Variants in RHOH observed in about 807,000 individuals in gnomAD.
The protein encoded by RHOH is ras homolog family member H.
In RHOH, 6 loss-of-function variants were observed where a neutral mutation model predicts 13.8. That is an observed-to-expected ratio of 0.44 (90% confidence interval 0.24 to 0.86). The LOEUF (loss-of-function observed/expected upper bound fraction) is 0.86, where lower values mean the gene tolerates loss of function less well. Ranked by LOEUF, RHOH falls within the 40% of genes least tolerant of loss-of-function variation. The pLI, the probability that RHOH is intolerant of heterozygous loss-of-function variation, is 0.24. For missense variants in RHOH, 147 were observed against 244.5 expected (o/e 0.60, Z 2.66); for synonymous variants, 117 against 103.0 (o/e 1.14, Z -0.82).
chr4:40,208,064 T>C (rs1306354120), intron 1 of RHOH, among the ~76,000 whole-genome samples: 2 of 152,000 alleles, frequency 1.3e-5, no homozygotes, highest in Non-Finnish European at 2.9e-5. Context: ...TTATATCTAC[T>C]TTTTTTTGGA....
Position 40,232,040 on chromosome 4 carries a change from T to C in RHOH, c.-330-10674T>C, listed in dbSNP as rs114246350. Among the ~76,000 whole-genome samples the C allele has an allele frequency of 8.8e-3, 1,333 of 152,336 alleles. 20 individuals carry two copies. The highest frequency in any genetic ancestry group is 0.03 in the African/African-American group (1,228 of 41,572). ...TAGTTGCAGGTAGCACCTTTTTCCC[T>C]TTGTTGGCACTTTATTTGTTCCTCC... is the stretch of plus-strand genomic sequence containing the variant. On this transcript the variant is annotated intron_variant, in intron 1 of 2. Transcript: ENST00000381799.
chr4:40,208,667 A>G (rs2109391061), intron 1 of RHOH, among the ~76,000 whole-genome samples: 1 of 152,304 alleles, frequency 6.6e-6, no homozygotes, highest in African/African-American at 2.4e-5. Flanking sequence ...GATCAGCTTT[A>G]AATTGTTCAT....
At chr4:40,210,939 C>G (rs1725195337) in intron 1 of RHOH, among the ~76,000 whole-genome samples, 1 of 152,302 alleles carries the variant, frequency 6.6e-6, no homozygotes, top group East Asian at 1.9e-4. Flanking sequence ...AAATACTGGG[C>G]TAGACCAAAC....
At chr4:40,196,602 C>T (rs1466039714), upstream of RHOH, among the ~76,000 whole-genome samples, 1 of 151,986 alleles carries the variant, frequency 6.6e-6, no homozygotes, top group Non-Finnish European at 1.5e-5. Flanking sequence ...GCAGACAATC[C>T]ACCTCTTGTT....
At chr4:40,238,815 G>A (rs1440962865) in intron 1 of RHOH, among the ~76,000 whole-genome samples, 1 of 152,184 alleles carries the variant, frequency 6.6e-6, no homozygotes, top group African/African-American at 2.4e-5. Flanking sequence ...TTGCCAGTTA[G>A]CCACTTGGGA....
chr4:40,214,179 G>A (rs1260333698), intron 1 of RHOH, among the ~76,000 whole-genome samples: 3 of 152,170 alleles, frequency 2.0e-5, no homozygotes. Flanking sequence ...TGGTACGGGT[G>A]GCACTTTGGG....
chr4:40,215,920 A>G (rs1725821717), intron 1 of RHOH, among the ~76,000 whole-genome samples: 1 of 152,052 alleles, frequency 6.6e-6, no homozygotes, highest in African/African-American at 2.4e-5. Flanking sequence ...ACTCTGTATC[A>G]AAAAACAAAC....
At chr4:40,225,044 G>A (rs1727052259) in intron 1 of RHOH, among the ~76,000 whole-genome samples, 1 of 152,156 alleles carries the variant, frequency 6.6e-6, no homozygotes, top group Admixed American at 6.6e-5. Flanking sequence ...GAGTAGCTAA[G>A]GCTACAGGTA....
At chr4:40,224,849 TATAATTAA>T (rs1434451156) in intron 1 of RHOH, among the ~76,000 whole-genome samples, 1 of 152,268 alleles carries the variant, frequency 6.6e-6, no homozygotes, top group Non-Finnish European at 1.5e-5. Flanking sequence ...AACTACAAAG[TATAATTAA>T]TGCTGATTGG....
chr4:40,194,255 G>A (rs1306107550), upstream of RHOH, among the ~76,000 whole-genome samples: 4 of 151,550 alleles, frequency 2.6e-5, no homozygotes, highest in East Asian at 1.9e-4. Context: ...TTAGGCTGAC[G>A]TCTCACTCTG....
chr4:40,228,571 G>C (rs781591389), intron 1 of RHOH, among the ~76,000 whole-genome samples: 2 of 152,054 alleles, frequency 1.3e-5, no homozygotes, highest in East Asian at 3.9e-4. Flanking sequence ...GGTTGGGGAT[G>C]GGGGGAACCT....
At chr4:40,229,634 CAA>C (rs367803825) in intron 1 of RHOH, among the ~76,000 whole-genome samples, 18 of 62,828 alleles carry the variant, frequency 2.9e-4, no homozygotes, top group Non-Finnish European at 4.3e-4. Flanking sequence ...AACGCCATCT[CAA>C]AAAAAAAAAA....
chr4:40,201,819 C>T (rs6854439), intron 1 of RHOH, among the ~76,000 whole-genome samples: 96,804 of 151,942 alleles, frequency 0.64, 32,440 homozygotes, highest in East Asian at 0.84. Flanking sequence ...AAATTTATTC[C>T]GAATAAATAA....
chr4:40,236,917 G>T (rs1026450086), intron 1 of RHOH, among the ~76,000 whole-genome samples: 2 of 152,206 alleles, frequency 1.3e-5, no homozygotes, highest in African/African-American at 4.8e-5. Context: ...TGAGGAATAG[G>T]TGTGCAGTTA....
At chr4:40,219,537 G>C (rs7680261) in intron 1 of RHOH, among the ~76,000 whole-genome samples, 115,436 of 152,010 alleles carry the variant, frequency 0.76, 44,140 homozygotes, top group Non-Finnish European at 0.8. Flanking sequence ...TGATGGTTGC[G>C]TCTGGGAAAA....
chr4:40,212,222 T>C (rs1459863909), intron 1 of RHOH, among the ~76,000 whole-genome samples: 1 of 152,228 alleles, frequency 6.6e-6, no homozygotes, highest in Non-Finnish European at 1.5e-5. Flanking sequence ...ATTATGAACC[T>C]AGGCAATCTT....
intron 1 of RHOH, among the ~76,000 whole-genome samples, chr4:40,201,102 G>A (rs1025308217): frequency 3.3e-5 from 5 of 152,146 alleles, no homozygotes; most frequent in South Asian, 2.1e-4. Flanking sequence ...TGAGAACTAC[G>A]TATAGTCATC....
Position 40,245,776 on chromosome 4 carries a change from G to C in RHOH, c.*1814G>C, listed in dbSNP as rs936218399. ...AACCAGTTTCTCTGTTCCCTTGTGT[G>C]GTCAATTCCTTACAGCTATAATCAG... On this transcript the variant is annotated 3_prime_UTR_variant, in exon 3 of 3. Coordinates refer to ENST00000381799, the MANE Select transcript of RHOH (RefSeq NM_004310.5). 1.3e-5 allele frequency: 2 copies of C among 152,124 alleles called. No individual in the cohort carries two copies. Among genetic ancestry groups the C allele is most frequent in the Non-Finnish European group, 2.9e-5 (2 of 68,030 alleles). 9.4% of individuals were successfully genotyped at this position (152,124 alleles called of 1,614,324 possible). A position where few individuals can be genotyped will look rare whatever the true frequency, so the allele number is the denominator to read the frequency against.
rs1392562952 is a variant in RHOH at position 40,227,470 on chromosome 4, TCTC to T, written c.-330-15243_-330-15241del. Among the ~76,000 whole-genome samples, 12 of 152,336 alleles carry T rather than the reference TCTC, an allele frequency of 7.9e-5. No homozygotes were observed. In the South Asian group the frequency reaches 2.5e-3, roughly 32 times the overall value. On this transcript the variant is annotated intron_variant, in intron 1 of 2. Coordinates refer to ENST00000381799, the MANE Select transcript of RHOH (RefSeq NM_004310.5). ...GGGCCCCCAGCAGCTTAACCACTTC[TCTC>T]AAGTCCTTGGTTTCCTCATGGGAGA...
Sources: allele counts gnomAD v4.1 joint callset (sites outside exome capture counted in the v4.1 genomes callset), GRCh38; gene constraint gnomAD v4.1.1; transcripts MANE v1.5; gene names NCBI Gene and HGNC (gene_info 2026-07-23, HGNC 2026-07-21).